Variants in AP4S1 observed in about 807,000 individuals in gnomAD.
AP4S1 encodes adaptor related protein complex 4 subunit sigma 1.
AP4S1 carries 23 observed loss-of-function variants against 19.8 expected under a neutral mutation model. That is an observed-to-expected ratio of 1.16 (90% CI 0.84 to 1.65). The LOEUF is 1.65. Ranked by LOEUF, AP4S1 falls within the 40% of genes most tolerant of loss-of-function variation. AP4S1 has a pLI of 0.00. For missense variants in AP4S1, 166 were observed against 172.8 expected (o/e 0.96, Z 0.22); for synonymous variants, 46 against 54.1 (o/e 0.85, Z 0.66).
Position 31,093,096 on chromosome 14 carries a change from TC to T in AP4S1, c.*62del. ...AAATGCGAGTACCGTGGAATACATCTCAACATGTTAACCCAGAAGAATCTGG... is the reference window on the plus strand; with the variant it reads ...AAATGCGAGTACCGTGGAATACATCTAACATGTTAACCCAGAAGAATCTGG... On this transcript the variant is annotated 3_prime_UTR_variant, in exon 6 of 6. Transcript: ENST00000542754. 1 of 1,497,224 alleles carries T rather than the reference TC, an allele frequency of 6.7e-7. No homozygotes were observed. 92.7% of individuals were successfully genotyped at this position (1,497,224 alleles called of 1,614,324 possible).
intron 1 of AP4S1, among the ~76,000 whole-genome samples, chr14:31,051,994 G>T (rs1302295076): frequency 5.9e-5 from 9 of 152,148 alleles, no homozygotes; most frequent in African/African-American, 2.2e-4. Context: ...GACATGGCCG[G>T]GTGAGATGAC....
At chr14:31,063,307 G>A (rs539248696) in intron 1 of AP4S1, among the ~76,000 whole-genome samples, 4 of 152,252 alleles carry the variant, frequency 2.6e-5, no homozygotes, top group South Asian at 4.1e-4. Context: ...GCAGGCACCT[G>A]TAATCTTAGC....
At chr14:31,092,463 TAAC>T (rs1197212723) in intron 5 of AP4S1, among the ~76,000 whole-genome samples, 1 of 152,182 alleles carries the variant, frequency 6.6e-6, no homozygotes, top group East Asian at 1.9e-4. Flanking sequence ...GGATAATATG[TAAC>T]AACATACATC....
intron 1 of AP4S1, among the ~76,000 whole-genome samples, chr14:31,060,039 G>A (rs1005451428): frequency 6.9e-6 from 1 of 144,890 alleles, no homozygotes; most frequent in Non-Finnish European, 1.5e-5. Flanking sequence ...ATGTATATAT[G>A]TATATATATT....
intron 3 of AP4S1, 121 bp from the exon 4 acceptor site, chr14:31,072,784 T>G: frequency 1.3e-6 from 1 of 771,730 alleles, no homozygotes; most frequent in Non-Finnish European, 2.3e-6. Context: ...GCTACTTTCC[T>G]CACATTATCG....
At chr14:31,048,402 T>G (rs1183657223) in intron 1 of AP4S1, among the ~76,000 whole-genome samples, 1 of 151,798 alleles carries the variant, frequency 6.6e-6, no homozygotes, top group African/African-American at 2.4e-5. Context: ...TGAGCCACCA[T>G]GCCTGGCCTA....
At position 31,069,878 on chromosome 14, in the gene AP4S1, A is replaced by G; in HGVS notation, c.174A>G (p.Ile58Met). 1 of 1,613,678 alleles carries G rather than the reference A, an allele frequency of 6.2e-7. No individual in the cohort carries two copies. ...TTGAATATAAGGATTTTAAGCTGAT[A>G]TATCGGCAGTATGCAGCTCTCTTCA... ...SFIEYKDFKL[I>M]YRQYAALFIV... The change falls in exon 3 of 6, where the codon ATA becomes ATG. Residue 58 changes from isoleucine to methionine, a missense_variant. Coordinates refer to ENST00000542754, the MANE Select transcript of AP4S1 (RefSeq NM_001128126.3).
chr14:31,066,215 A>C lies in AP4S1; in HGVS notation c.19A>C (p.Met7Leu). Residue 7 changes from methionine (M) to leucine (L), a missense_variant, in exon 2 of 6, where the codon ATG (methionine) becomes CTG (leucine). Met to Leu is a conservative substitution (Grantham distance 15). Coordinates refer to ENST00000542754, the MANE Select transcript of AP4S1 (RefSeq NM_001128126.3). ...AAGAAAAATGATAAAATTTTTCCTC[A>C]TGGTGAATAAACAAGGGCAGACTCG... is the stretch of plus-strand genomic sequence containing the variant. MIKFFLMVNKQGQTRLS... is the reference protein window; with the variant it reads MIKFFLLVNKQGQTRLS... 1 of 1,614,040 alleles carries C rather than the reference A, an allele frequency of 6.2e-7. No homozygotes were observed.
chr14:31,084,525 CCT>C (rs2139114345), intron 5 of AP4S1, among the ~76,000 whole-genome samples: 1 of 152,324 alleles, frequency 6.6e-6, no homozygotes, highest in South Asian at 2.1e-4. Flanking sequence ...TTAGTGGAAA[CCT>C]CTGGTGCAGT....
intron 1 of AP4S1, among the ~76,000 whole-genome samples, chr14:31,061,445 C>T (rs755172724): frequency 2.6e-5 from 4 of 152,084 alleles, no homozygotes; most frequent in South Asian, 2.1e-4. Flanking sequence ...TTCTGACAGC[C>T]GAGCATTTAG....
chr14:31,044,673 T>G (rs1167911169), intron 1 of AP4S1, among the ~76,000 whole-genome samples: 2 of 151,686 alleles, frequency 1.3e-5, no homozygotes, highest in Non-Finnish European at 2.9e-5. Flanking sequence ...AAAAAAAAAT[T>G]TGTAGAAATG....
rs71905676 is a variant in AP4S1, at chr14:31,032,071, CAAAAAAA to C, written c.-72+6298_-72+6304del. Among the ~76,000 whole-genome samples, 1,008 of 110,610 alleles carry C rather than the reference CAAAAAAA, an allele frequency of 9.1e-3. 11 individuals are homozygous for C. Among genetic ancestry groups the C allele is most frequent in the East Asian group, 0.034 (151 of 4,378 alleles). 72.6% of individuals were successfully genotyped at this position (110,610 alleles called of 152,430 possible). The stretch of plus-strand genomic sequence containing the variant: ...TGGATGATAGAGTGAGACCTTGTCC[CAAAAAAA>C]AAAAAAAAAAAAAGAAAAAAGAGCT... On this transcript the variant is annotated intron_variant, in intron 1 of 5. Transcript: ENST00000542754.
chr14:31,061,499 C>T (rs4981819), intron 1 of AP4S1, among the ~76,000 whole-genome samples: 57,063 of 151,722 alleles, frequency 0.38, 13,159 homozygotes, highest in Admixed American at 0.54. Flanking sequence ...TTGCTAAGAT[C>T]GCTAGCTGCA....
At chr14:31,074,688 T>G (rs1195429127) in intron 4 of AP4S1, among the ~76,000 whole-genome samples, 1 of 151,926 alleles carries the variant, frequency 6.6e-6, no homozygotes, top group East Asian at 1.9e-4. Flanking sequence ...AATAAATAAA[T>G]AAAGTAAGTG....
intron 1 of AP4S1, among the ~76,000 whole-genome samples, chr14:31,064,940 C>T (rs1207905053): frequency 1.3e-5 from 2 of 152,082 alleles, no homozygotes; most frequent in Non-Finnish European, 2.9e-5. Context: ...GGTGACAGAG[C>T]GAGGCCCTAT....
chr14:31,072,676 A>G (rs1199463735), intron 3 of AP4S1, among the ~76,000 whole-genome samples: 1 of 152,198 alleles, frequency 6.6e-6, no homozygotes, highest in Admixed American at 6.5e-5. Context: ...TGGCCAAAAA[A>G]AATCCTAGAA....
chr14:31,031,745 C>G lies in AP4S1; in HGVS notation c.-72+5958C>G, dbSNP rs138149451. Among the ~76,000 whole-genome samples, 1,351 of 152,310 alleles carry G rather than the reference C, an allele frequency of 8.9e-3. 19 individuals carry two copies. Among genetic ancestry groups the G allele is most frequent in the African/African-American group, 0.031 (1,301 of 41,572 alleles). On this transcript the variant is annotated intron_variant, in intron 1 of 5. Transcript: ENST00000542754. Reference sequence around the variant, plus strand: ...AACTCACCTAACTGGAACTATCTCCCTAAACTGTGGCTGAGTCATTTCCTC... The same window carrying G: ...AACTCACCTAACTGGAACTATCTCCGTAAACTGTGGCTGAGTCATTTCCTC...
At chr14:31,046,115 G>C (rs1318563600) in intron 1 of AP4S1, among the ~76,000 whole-genome samples, 2 of 151,534 alleles carry the variant, frequency 1.3e-5, no homozygotes, top group African/African-American at 2.4e-5. Context: ...TACATACCAC[G>C]CCCAACTAAT....
chr14:31,028,915 G>A (rs1884215558), intron 1 of AP4S1, among the ~76,000 whole-genome samples: 1 of 152,168 alleles, frequency 6.6e-6, no homozygotes, highest in Non-Finnish European at 1.5e-5. Flanking sequence ...AAAACCATTT[G>A]TGAGAATGGT....
Sources: gnomAD v4.1 joint callset for allele counts (sites outside exome capture counted in the v4.1 genomes callset) on GRCh38, gnomAD v4.1.1 for gene constraint, MANE v1.5 for transcripts, NCBI Gene and HGNC (gene_info 2026-07-23, HGNC 2026-07-21) for gene names.